SMYD3: variants seen among roughly 807,000 people sequenced by gnomAD.
SMYD3 encodes SET and MYND domain containing 3, also known as histone-lysine N-methyltransferase SMYD3.
SMYD3 carries 36 observed loss-of-function variants against 57.7 expected under a neutral mutation model. The observed-to-expected ratio is 0.62, with a 90% CI of 0.48 to 0.82. The LOEUF is 0.82. Among genes scored for constraint, SMYD3 ranks in the 40% least tolerant of loss-of-function variants. The probability of loss-of-function intolerance (pLI) is 0.00; values close to 1 mark genes in which losing one functional copy is unlikely to be tolerated. For synonymous variants in SMYD3, 211 were observed against 195.0 expected (o/e 1.08, Z -0.68); for missense variants, 515 against 538.8 (o/e 0.96, Z 0.44).
At chr1:246,481,607 T>TATATATATATATATACACACAC (rs1156393004) in intron 1 of SMYD3, among the ~76,000 whole-genome samples, 1 of 61,976 alleles carries the variant, frequency 1.6e-5, no homozygotes, top group African/African-American at 4.9e-5. Context: ...TATATATATA[T>TATATATATATATATACACACAC]ACACATACAT....
At chr1:246,332,257 T>C (rs1047933353) in intron 3 of SMYD3, among the ~76,000 whole-genome samples, 3 of 152,232 alleles carry the variant, frequency 2.0e-5, no homozygotes, top group Admixed American at 1.3e-4. Flanking sequence ...TGAAAAGAGC[T>C]ACTCCCATGA....
intron 1 of SMYD3, among the ~76,000 whole-genome samples, chr1:246,502,135 C>CTTT (rs56336266): frequency 1.6e-3 from 227 of 145,872 alleles, no homozygotes; most frequent in Non-Finnish European, 1.4e-3. Context: ...ATGCAGCTGC[C>CTTT]TTTTTTTTTT....
At chr1:245,924,272 T>A (rs898790618) in intron 7 of SMYD3, among the ~76,000 whole-genome samples, 2 of 152,042 alleles carry the variant, frequency 1.3e-5, no homozygotes, top group African/African-American at 4.8e-5. Context: ...TAAATGATAT[T>A]ACACATCTCT....
At chr1:246,193,041 CA>C (rs2062766426) in intron 5 of SMYD3, among the ~76,000 whole-genome samples, 1 of 152,020 alleles carries the variant, frequency 6.6e-6, no homozygotes, top group Non-Finnish European at 1.5e-5. Flanking sequence ...GCTAAGAAAA[CA>C]GAGAAGTCAT....
intron 1 of SMYD3, among the ~76,000 whole-genome samples, chr1:246,402,377 A>ATATTTTTTTTTTTTTTTTTTTTTTT: frequency 6.6e-6 from 1 of 151,458 alleles, no homozygotes; most frequent in Admixed American, 6.6e-5. Flanking sequence ...TAACAACGCC[A>ATATTTTTTTTTTTTTTTTTTTTTTT]TCTTAAAGAT....
intron 1 of SMYD3, among the ~76,000 whole-genome samples, chr1:246,413,215 T>G (rs150989006): frequency 2.2e-4 from 33 of 152,324 alleles, no homozygotes; most frequent in African/African-American, 7.9e-4. Flanking sequence ...AAATTTAGCT[T>G]CATTTTACAA....
At chr1:245,810,222 C>T (rs1254527118) in intron 10 of SMYD3, among the ~76,000 whole-genome samples, 2 of 152,204 alleles carry the variant, frequency 1.3e-5, no homozygotes, top group South Asian at 4.1e-4. Flanking sequence ...GGTGAGGCCT[C>T]TCACCCAACA....
rs1438724726 is a variant in SMYD3, at chr1:246,326,241, A to C, written c.531+960T>G. The C allele has an allele frequency of 8.9e-6, 4 of 449,736 alleles. No individual in the cohort carries two copies. The East Asian group carries it at 1.0e-4, about 12-fold the overall frequency. The allele number at this position is 449,736 out of a possible 1,614,324, so 27.9% of individuals were successfully genotyped here. A position where few individuals can be genotyped will look rare whatever the true frequency, so the allele number is the denominator to read the frequency against. The stretch of plus-strand genomic sequence containing the variant: ...TAAGTGGCAAAATTGTCAAAAGTAA[A>C]GTTTTACTTGTTATTAAATTGTGAT... On this transcript the variant is annotated intron_variant, in intron 5 of 11. Coordinates refer to ENST00000490107, the MANE Select transcript of SMYD3 (RefSeq NM_001167740.2).
chr1:246,371,029 A>G (rs977774581), intron 1 of SMYD3, among the ~76,000 whole-genome samples: 3 of 152,232 alleles, frequency 2.0e-5, no homozygotes, highest in African/African-American at 7.2e-5. Context: ...TGAAATTTGA[A>G]AAGACTATTA....
In SMYD3 at chr1:245,921,358, A is replaced by G. The variant is rs189890160; in HGVS notation, c.703-5718T>C. 4.6e-5 allele frequency among the ~76,000 whole-genome samples: 7 copies of G among 152,270 alleles called. No individual in the cohort carries two copies. In the East Asian group the frequency reaches 1.4e-3, roughly 30 times the overall value. On this transcript the variant is annotated intron_variant, in intron 7 of 11. Coordinates refer to ENST00000490107, the MANE Select transcript of SMYD3 (RefSeq NM_001167740.2). ...ATGTAAATTGGTTAACCCACTGTTG[A>G]AAGCAGTTTGGAGAGGAGCTCAGAA...
chr1:246,006,278 G>T (rs974527514), intron 5 of SMYD3, among the ~76,000 whole-genome samples: 7 of 148,840 alleles, frequency 4.7e-5, no homozygotes, highest in Admixed American at 1.3e-4. Context: ...ACTGATGAGC[G>T]AGTTGGAGGG....
chr1:246,480,966 T>C (rs370447023), intron 1 of SMYD3, among the ~76,000 whole-genome samples: 1 of 151,922 alleles, frequency 6.6e-6, no homozygotes. Context: ...ACCCAGCTAA[T>C]TTTTTGTATT....
intron 5 of SMYD3, among the ~76,000 whole-genome samples, chr1:246,253,776 G>T (rs1190750646): frequency 6.6e-6 from 1 of 152,182 alleles, no homozygotes; most frequent in African/African-American, 2.4e-5. Flanking sequence ...TTGGTGCATA[G>T]AAACGCTATT....
chr1:246,107,803 C>T (rs1427686015), intron 5 of SMYD3, among the ~76,000 whole-genome samples: 1 of 152,058 alleles, frequency 6.6e-6, no homozygotes, highest in African/African-American at 2.4e-5. Flanking sequence ...TAACTCAAGA[C>T]CAGAAACACA....
intron 5 of SMYD3, among the ~76,000 whole-genome samples, chr1:246,058,155 A>T (rs2060185168): frequency 6.6e-6 from 1 of 152,268 alleles, no homozygotes; most frequent in African/African-American, 2.4e-5. Context: ...AGGTAAATAC[A>T]TATCAGTATT....
Position 246,411,106 on chromosome 1 carries a change from T to G in SMYD3, c.165-56012A>C, listed in dbSNP as rs371218506. Among the ~76,000 whole-genome samples the G allele has an allele frequency of 4.5e-4, 69 of 152,296 alleles. No individual in the cohort carries two copies. The East Asian group carries it at 0.012, about 26-fold the overall frequency. On this transcript the variant is annotated intron_variant, in intron 1 of 11. Transcript: ENST00000490107. Reference sequence around the variant, plus strand: ...GCAGTCTATCAATTTTGTTGATCTTTTCAAAAAACCAGCTCCTGGATTCAT... The same window carrying G: ...GCAGTCTATCAATTTTGTTGATCTTGTCAAAAAACCAGCTCCTGGATTCAT...
chr1:246,274,754 G>T (rs759445705), intron 5 of SMYD3, among the ~76,000 whole-genome samples: 1 of 152,090 alleles, frequency 6.6e-6, no homozygotes, highest in Non-Finnish European at 1.5e-5. Context: ...TCTGACAAGA[G>T]AGAGCCAGTA....
intron 5 of SMYD3, among the ~76,000 whole-genome samples, chr1:246,009,145 G>A (rs1572884909): frequency 1.3e-5 from 2 of 152,162 alleles, no homozygotes; most frequent in African/African-American, 2.4e-5. Context: ...GGTGTGTATC[G>A]TTGGGCCATA....
intron 5 of SMYD3, among the ~76,000 whole-genome samples, chr1:246,018,349 CCT>C (rs2059413800): frequency 1.3e-5 from 2 of 152,184 alleles, no homozygotes. Context: ...CTCTCACTCC[CCT>C]GAGTTCAGAC....
Sources: allele counts gnomAD v4.1 joint callset (sites outside exome capture counted in the v4.1 genomes callset), GRCh38; gene constraint gnomAD v4.1.1; transcripts MANE v1.5; gene names NCBI Gene and HGNC (gene_info 2026-07-23, HGNC 2026-07-21).